Variants in COMMD10 observed in about 807,000 individuals in gnomAD.
The protein encoded by COMMD10 is COMM domain containing 10.
COMMD10 carries 33 observed loss-of-function variants against 28.9 expected under a neutral mutation model. That is an observed-to-expected ratio of 1.14 (90% confidence interval 0.87 to 1.53). The LOEUF (loss-of-function observed/expected upper bound fraction) is 1.53, where lower values mean the gene tolerates loss of function less well. Among genes scored for constraint, COMMD10 ranks in the 40% most tolerant of loss-of-function variants. COMMD10 has a pLI of 0.00. For missense variants in COMMD10, 310 were observed against 233.4 expected (o/e 1.33, Z -2.14); for synonymous variants, 110 against 81.7 (o/e 1.35, Z -1.87).
chr5:116,085,769 G>A lies in COMMD10; in HGVS notation c.41+676G>A, dbSNP rs536054839. ...AAAAATAAGCAATAGTGCAGGTAGCGTGTGGATACAGAAAAAGTACTGAAG... is the reference window on the plus strand; with the variant it reads ...AAAAATAAGCAATAGTGCAGGTAGCATGTGGATACAGAAAAAGTACTGAAG... On this transcript the variant is annotated intron_variant, in intron 1 of 6. Coordinates refer to ENST00000274458, the MANE Select transcript of COMMD10 (RefSeq NM_016144.4). Among the ~76,000 whole-genome samples the A allele has an allele frequency of 1.1e-3, 162 of 151,532 alleles. 2 individuals carry two copies. Among genetic ancestry groups the A allele is most frequent in the African/African-American group, 3.8e-3 (158 of 41,508 alleles).
At chr5:116,113,636 A>AT (rs1407713150) in intron 4 of COMMD10, among the ~76,000 whole-genome samples, 5 of 151,878 alleles carry the variant, frequency 3.3e-5, no homozygotes, top group South Asian at 2.1e-4. Context: ...TAGTTCCAGG[A>AT]TTTTTTTAAA....
intron 5 of COMMD10, among the ~76,000 whole-genome samples, chr5:116,265,379 G>A (rs37179): frequency 0.017 from 2,511 of 151,694 alleles, 81 homozygotes; most frequent in East Asian, 0.11. Flanking sequence ...TTTCAGAATT[G>A]TAATCATATT....
chr5:116,112,770 G>C (rs777160658), intron 4 of COMMD10, among the ~76,000 whole-genome samples: 1 of 151,718 alleles, frequency 6.6e-6, no homozygotes, highest in Non-Finnish European at 1.5e-5. Context: ...TGTTTGAGGT[G>C]GTATATGAGA....
intron 4 of COMMD10, among the ~76,000 whole-genome samples, chr5:116,118,015 T>C (rs1255815273): frequency 6.6e-6 from 1 of 152,186 alleles, no homozygotes; most frequent in Non-Finnish European, 1.5e-5. Flanking sequence ...TTTAAGGAAC[T>C]ACATGCCCTG....
chr5:116,161,798 T>C (rs1004326803), intron 5 of COMMD10, among the ~76,000 whole-genome samples: 2 of 152,068 alleles, frequency 1.3e-5, no homozygotes, highest in African/African-American at 4.8e-5. Flanking sequence ...AGAGGGAGAA[T>C]AGACGGAGGA....
At chr5:116,289,416 C>A (rs1205214160) in intron 5 of COMMD10, among the ~76,000 whole-genome samples, 3 of 151,840 alleles carry the variant, frequency 2.0e-5, no homozygotes, top group Non-Finnish European at 2.9e-5. Context: ...TTCACTAATA[C>A]CCCAGCTGGG....
At chr5:116,150,093 G>A (rs939160256) in intron 5 of COMMD10, among the ~76,000 whole-genome samples, 7 of 151,966 alleles carry the variant, frequency 4.6e-5, no homozygotes, top group Non-Finnish European at 1.0e-4. Context: ...AGTTTCCCCA[G>A]CACCATTTAT....
chr5:116,164,290 C>T (rs777020048), intron 5 of COMMD10, among the ~76,000 whole-genome samples: 1 of 151,810 alleles, frequency 6.6e-6, no homozygotes, highest in Non-Finnish European at 1.5e-5. Context: ...CACTGCACTC[C>T]AGCCTGGGCA....
intron 5 of COMMD10, among the ~76,000 whole-genome samples, chr5:116,157,392 C>T (rs771192117): frequency 4.6e-5 from 7 of 152,118 alleles, no homozygotes; most frequent in Admixed American, 1.3e-4. Context: ...TTGGCTGATC[C>T]AAGGCTGACT....
Position 116,107,428 on chromosome 5 carries a change from G to C in COMMD10, c.399+14728G>C, listed in dbSNP as rs552816460. ...TCTTCTCACTTTATTTCATTGAGTT[G>C]ATCTTCAATATCTGATATCCTTTCT... On this transcript the variant is annotated intron_variant, in intron 4 of 6. Coordinates refer to ENST00000274458, the MANE Select transcript of COMMD10 (RefSeq NM_016144.4). Among the ~76,000 whole-genome samples, 12 of 152,180 alleles carry C rather than the reference G, an allele frequency of 7.9e-5. No homozygotes were observed. The East Asian group carries it at 2.3e-3, about 29-fold the overall frequency.
At chr5:116,219,273 G>A (rs952730979) in intron 5 of COMMD10, among the ~76,000 whole-genome samples, 12 of 152,186 alleles carry the variant, frequency 7.9e-5, no homozygotes, top group African/African-American at 2.4e-4. Context: ...CTAGCAAACC[G>A]ATACATACAG....
intron 4 of COMMD10, among the ~76,000 whole-genome samples, chr5:116,120,097 C>T (rs1751377069): frequency 6.6e-6 from 1 of 151,892 alleles, no homozygotes; most frequent in Admixed American, 6.6e-5. Context: ...AATATGGAAC[C>T]AACCTAAGTG....
intron 5 of COMMD10, among the ~76,000 whole-genome samples, chr5:116,160,740 A>G (rs1359660443): frequency 2.0e-5 from 3 of 152,200 alleles, no homozygotes; most frequent in Non-Finnish European, 4.4e-5. Context: ...TAAAAATTTC[A>G]GAAATCTCAT....
chr5:116,122,360 T>C (rs1751462473), intron 4 of COMMD10, among the ~76,000 whole-genome samples: 2 of 152,232 alleles, frequency 1.3e-5, no homozygotes, highest in African/African-American at 2.4e-5. Context: ...TTGGTACCAG[T>C]ACCATGCTGT....
chr5:116,255,007 G>A (rs939619064), intron 5 of COMMD10, among the ~76,000 whole-genome samples: 2 of 151,566 alleles, frequency 1.3e-5, no homozygotes, highest in African/African-American at 4.9e-5. Flanking sequence ...ATATATTTAG[G>A]ATAGTTAGCT....
intron 5 of COMMD10, among the ~76,000 whole-genome samples, chr5:116,265,708 G>C (rs1750566626): frequency 6.6e-6 from 1 of 151,680 alleles, no homozygotes; most frequent in Non-Finnish European, 1.5e-5. Flanking sequence ...TCATATTGCT[G>C]TCAAGTAGGT....
chr5:116,194,992 G>T (rs1300775984), intron 5 of COMMD10, among the ~76,000 whole-genome samples: 1 of 152,096 alleles, frequency 6.6e-6, no homozygotes, highest in East Asian at 1.9e-4. Flanking sequence ...TCACACCAGG[G>T]ATGCAGGTAT....
chr5:116,092,862 T>C (rs1008401275), intron 4 of COMMD10, among the ~76,000 whole-genome samples, 162 bp downstream of exon 4: 16 of 152,180 alleles, frequency 1.1e-4, no homozygotes, highest in African/African-American at 3.9e-4. Flanking sequence ...CTGATAGACC[T>C]GTCACAAATT....
intron 5 of COMMD10, among the ~76,000 whole-genome samples, chr5:116,162,154 T>C (rs1752938907): frequency 6.6e-6 from 1 of 152,180 alleles, no homozygotes; most frequent in African/African-American, 2.4e-5. Context: ...ATTTGTGAAA[T>C]CTTTTTTGCT....
Sources: gnomAD v4.1 joint callset for allele counts (sites outside exome capture counted in the v4.1 genomes callset) on GRCh38, gnomAD v4.1.1 for gene constraint, MANE v1.5 for transcripts, NCBI Gene and HGNC (gene_info 2026-07-23, HGNC 2026-07-21) for gene names.